Variants in PRTFDC1 observed in about 807,000 individuals in gnomAD.
The protein encoded by PRTFDC1 is phosphoribosyltransferase domain-containing protein 1.
A neutral mutation model predicts 34.6 loss-of-function variants in PRTFDC1; 38 were observed. The ratio of observed to expected loss-of-function variants is 1.10; its 90% CI spans 0.85 to 1.44. The LOEUF (loss-of-function observed/expected upper bound fraction) is 1.44, where lower values mean the gene tolerates loss of function less well. Among genes scored for constraint, PRTFDC1 ranks in the 40% most tolerant of loss-of-function variants. The pLI is 0.00. For missense variants in PRTFDC1, 270 were observed against 283.0 expected, an observed-to-expected ratio of 0.95 and a Z score of 0.33; for synonymous variants, 93 against 98.1, an observed-to-expected ratio of 0.95 and a Z score of 0.31.
At chr10:24,906,283 T>C (rs999484427) in intron 3 of PRTFDC1, among the ~76,000 whole-genome samples, 4 of 152,204 alleles carry the variant, frequency 2.6e-5, no homozygotes, top group Non-Finnish European at 4.4e-5. Flanking sequence ...TGAAAAAGCC[T>C]CTGCCTCTGT....
chr10:24,871,750 G>A (rs1053009248), intron 4 of PRTFDC1, among the ~76,000 whole-genome samples: 1 of 152,156 alleles, frequency 6.6e-6, no homozygotes, highest in Non-Finnish European at 1.5e-5. Context: ...GGGCAAAGGG[G>A]TTTTGCTGTC....
chr10:24,889,878 G>C (rs982686018), intron 3 of PRTFDC1, among the ~76,000 whole-genome samples: 4 of 152,040 alleles, frequency 2.6e-5, no homozygotes, highest in African/African-American at 9.7e-5. Flanking sequence ...TTTTCCTCTG[G>C]AGGCTAAGGG....
At chr10:24,872,990 A>T (rs1240320372) in intron 3 of PRTFDC1, among the ~76,000 whole-genome samples, 1 of 150,610 alleles carries the variant, frequency 6.6e-6, no homozygotes, top group Non-Finnish European at 1.5e-5. Flanking sequence ...TTTTTTCTTA[A>T]TTTATTTTTA....
At chr10:24,950,450 G>C (rs556963182) in intron 1 of PRTFDC1, among the ~76,000 whole-genome samples, 105 of 152,192 alleles carry the variant, frequency 6.9e-4, no homozygotes, top group African/African-American at 2.4e-3. Context: ...GAGCATTTCG[G>C]ATTTTGGATT....
intron 3 of PRTFDC1, among the ~76,000 whole-genome samples, chr10:24,899,731 T>G (rs1475009772): frequency 6.6e-6 from 1 of 152,194 alleles, no homozygotes; most frequent in Non-Finnish European, 1.5e-5. Context: ...AATCCAAGTT[T>G]TCAAGATAAT....
intron 3 of PRTFDC1, among the ~76,000 whole-genome samples, chr10:24,895,176 T>C (rs1259003598): frequency 6.6e-6 from 1 of 152,058 alleles, no homozygotes; most frequent in African/African-American, 2.4e-5. Flanking sequence ...AGATTTAAAT[T>C]AGAAAGCTAT....
intron 3 of PRTFDC1, among the ~76,000 whole-genome samples, chr10:24,925,291 G>A (rs186199320): frequency 4.1e-4 from 63 of 152,234 alleles, no homozygotes; most frequent in African/African-American, 1.4e-3. Flanking sequence ...GACACAGGGC[G>A]GGGAACATCA....
At chr10:24,866,518 G>GT (rs1256640225) in intron 4 of PRTFDC1, among the ~76,000 whole-genome samples, 1 of 151,936 alleles carries the variant, frequency 6.6e-6, no homozygotes, top group Non-Finnish European at 1.5e-5. Context: ...CCTTTCAGAG[G>GT]TTCCTCGTGA....
chr10:24,933,437 T>G (rs976085888), intron 3 of PRTFDC1, among the ~76,000 whole-genome samples: 15 of 152,232 alleles, frequency 9.9e-5, no homozygotes, highest in African/African-American at 3.6e-4. Context: ...GTAAGATAGT[T>G]GAACAAACAC....
chr10:24,916,658 G>A (rs1049492145), intron 3 of PRTFDC1, among the ~76,000 whole-genome samples: 1 of 152,058 alleles, frequency 6.6e-6, no homozygotes, highest in Non-Finnish European at 1.5e-5. Flanking sequence ...CTTCAATGGC[G>A]CTACTTACAC....
chr10:24,913,505 C>G (rs552567603), intron 3 of PRTFDC1, among the ~76,000 whole-genome samples: 7 of 152,210 alleles, frequency 4.6e-5, no homozygotes, highest in Admixed American at 4.6e-4. Context: ...TTCTTTGTCC[C>G]AGAGAATTGG....
At position 24,888,055 on chromosome 10, in the gene PRTFDC1, T is replaced by C. The variant is rs141812782; in HGVS notation, c.340-15992A>G. Among the ~76,000 whole-genome samples, 35 of 152,320 alleles carry C rather than the reference T, an allele frequency of 2.3e-4. 2 individuals are homozygous for C. The East Asian group carries it at 6.4e-3, about 28-fold the overall frequency. On this transcript the variant is annotated intron_variant, in intron 3 of 8. Transcript: ENST00000320152. ...GGAATGACTAATTTTTGTATCTCTA[T>C]AGAGACAGGGTCTTGCTGTGTCATC...
In PRTFDC1 at chr10:24,908,766, G is replaced by A. The variant is rs77008776; in HGVS notation, c.339+28418C>T. ...AGCCCGATCAGCCTGATCAACCCTA[G>A]CGATCAATGGGGTGACTGATGCCAC... is the stretch of plus-strand genomic sequence containing the variant. On this transcript the variant is annotated intron_variant, in intron 3 of 8. Coordinates refer to ENST00000320152, the MANE Select transcript of PRTFDC1 (RefSeq NM_020200.7). The A allele has an allele frequency of 3.2e-3, 4,743 of 1,468,414 alleles. 182 individuals carry two copies. In the East Asian group the frequency reaches 0.089, roughly 28 times the overall value. The allele number at this position is 1,468,414 out of a possible 1,614,324, so 91.0% of individuals were successfully genotyped here. A position where few individuals can be genotyped will look rare whatever the true frequency, so the allele number is the denominator to read the frequency against.
Position 24,849,803 on chromosome 10 carries a change from T to G in PRTFDC1, c.*41A>C. Reference sequence around the variant, plus strand: ...CTGGCTTCCCAAGTACAGGCGTAAATATGATGCTATCTGGGACTTTAGTGG... The same window carrying G: ...CTGGCTTCCCAAGTACAGGCGTAAAGATGATGCTATCTGGGACTTTAGTGG... On this transcript the variant is annotated 3_prime_UTR_variant, in exon 9 of 9. Transcript: ENST00000320152. 6.2e-7 allele frequency: 1 copy of G among 1,601,900 alleles called. No individual in the cohort carries two copies. The highest frequency in any genetic ancestry group is 8.6e-7 in the Non-Finnish European group (1 of 1,169,088).
At chr10:24,887,603 T>C (rs1264930192) in intron 3 of PRTFDC1, among the ~76,000 whole-genome samples, 5 of 151,984 alleles carry the variant, frequency 3.3e-5, no homozygotes, top group Non-Finnish European at 5.9e-5. Context: ...CCTCTTTCCT[T>C]TATGAATTAC....
chr10:24,918,723 C>T (rs1337218967), intron 3 of PRTFDC1, among the ~76,000 whole-genome samples: 1 of 152,146 alleles, frequency 6.6e-6, no homozygotes, highest in Non-Finnish European at 1.5e-5. Context: ...TCCAATCTGT[C>T]CTTTTTCAAT....
chr10:24,856,774 G>T, intron 6 of PRTFDC1, 139 bp downstream of exon 6: 1 of 747,712 alleles, frequency 1.3e-6, no homozygotes, highest in Non-Finnish European at 2.3e-6. Context: ...TTTCAGTGTG[G>T]TCAAGCTGTA....
Position 24,849,677 on chromosome 10 carries a change from T to C in PRTFDC1, c.*167A>G, listed in dbSNP as rs1253323360. 1.3e-5 allele frequency: 8 copies of C among 601,322 alleles called. No individual in the cohort carries two copies. Among genetic ancestry groups the C allele is most frequent in the Non-Finnish European group, 2.1e-5 (7 of 338,270 alleles). The allele number at this position is 601,322 out of a possible 1,614,324, so 37.2% of individuals were successfully genotyped here. On this transcript the variant is annotated 3_prime_UTR_variant, in exon 9 of 9. Transcript: ENST00000320152. ...CTTTCTTTTCCTTAGGAACCTTTGA[T>C]ACTCTTTATATTAACCTCAGAAAAG...
In PRTFDC1 at chr10:24,908,331, A is replaced by G. The variant is rs1015078976; in HGVS notation, c.339+28853T>C. 4.9e-6 allele frequency: 4 copies of G among 819,300 alleles called. No homozygotes were observed. In the Admixed American group the frequency reaches 1.2e-4, roughly 24 times the overall value. The allele number at this position is 819,300 out of a possible 1,614,324, so 50.8% of individuals were successfully genotyped here. A position where few individuals can be genotyped will look rare whatever the true frequency, so the allele number is the denominator to read the frequency against. ...TTTCAAGGCAATATTTTTATCCAGC[A>G]TGTTTCTTTACATATTTTGATATTT... On this transcript the variant is annotated intron_variant, in intron 3 of 8. Transcript: ENST00000320152.
Sources: gnomAD v4.1 joint callset for allele counts (sites outside exome capture counted in the v4.1 genomes callset) on GRCh38, gnomAD v4.1.1 for gene constraint, MANE v1.5 for transcripts, NCBI Gene and HGNC (gene_info 2026-07-23, HGNC 2026-07-21) for gene names.